Variants in CDH23 observed in about 807,000 individuals in gnomAD.
The protein encoded by CDH23 is cadherin-23.
In CDH23, 189 loss-of-function variants were observed where a neutral mutation model predicts 317.1. That is an observed-to-expected ratio of 0.60 (90% CI 0.53 to 0.67). The LOEUF is 0.67. Ranked by LOEUF, CDH23 falls within the 30% of genes least tolerant of loss-of-function variation. CDH23 has a pLI of 0.00. For missense variants in CDH23, 4,401 were observed against 4,592.4 expected (o/e 0.96, Z 1.20); for synonymous variants, 1,839 against 1,876.8 (o/e 0.98, Z 0.52).
intron 11 of CDH23, among the ~76,000 whole-genome samples, chr10:71,621,595 G>A (rs756346505): frequency 6.6e-6 from 1 of 152,236 alleles, no homozygotes; most frequent in Non-Finnish European, 1.5e-5. Flanking sequence ...GGCTGAGTTT[G>A]TGTAGCAAGG....
At chr10:71,782,668 G>A (rs1309024591) in intron 41 of CDH23, among the ~76,000 whole-genome samples, 1 of 152,248 alleles carries the variant, frequency 6.6e-6, no homozygotes, top group Non-Finnish European at 1.5e-5. Flanking sequence ...AGTGGTGCTG[G>A]TGTCTCCTCC....
At chr10:71,467,179 CA>C (rs5786040) in intron 3 of CDH23, among the ~76,000 whole-genome samples, 77,642 of 151,994 alleles carry the variant, frequency 0.51, 20,788 homozygotes, top group East Asian at 0.76. Flanking sequence ...AAGGACCACC[CA>C]GGACCTGGGC....
chr10:71,792,333 A>G (rs1841273106), intron 47 of CDH23, among the ~76,000 whole-genome samples: 1 of 152,178 alleles, frequency 6.6e-6, no homozygotes, highest in Non-Finnish European at 1.5e-5. Context: ...ACCAAAAGAA[A>G]ATATTAAAAA....
chr10:71,578,710 C>G (rs999713963), intron 9 of CDH23, among the ~76,000 whole-genome samples: 5 of 116,802 alleles, frequency 4.3e-5, no homozygotes, highest in Non-Finnish European at 9.6e-5. Flanking sequence ...CAGACTCTGG[C>G]TCTGCCCACC....
intron 28 of CDH23, chr10:71,716,462 T>A (rs1032672417): frequency 5.4e-6 from 4 of 739,894 alleles, no homozygotes; most frequent in Non-Finnish European, 6.5e-6. Flanking sequence ...CTGGACAGCA[T>A]CATGGCCACA....
chr10:71,697,731 A>G (rs1227071), intron 22 of CDH23, among the ~76,000 whole-genome samples: 101,474 of 151,720 alleles, frequency 0.67, 34,436 homozygotes, highest in Non-Finnish European at 0.75. Flanking sequence ...TCACTCTTCT[A>G]TTCAAACCCC....
chr10:71,575,394 T>C (rs1858117865), intron 8 of CDH23, among the ~76,000 whole-genome samples: 2 of 152,192 alleles, frequency 1.3e-5, no homozygotes, highest in Admixed American at 1.3e-4. Flanking sequence ...GGGATTGTGA[T>C]TTTTACCCAT....
At chr10:71,702,473 T>C (rs1865628298) in intron 23 of CDH23, 76 bp from the exon 24 acceptor site, 13 of 1,577,234 alleles carry the variant, frequency 8.2e-6, no homozygotes, top group Admixed American at 1.7e-5. Flanking sequence ...CTCTCACCAC[T>C]TGCCTTCTTC....
At chr10:71,740,285 T>C (rs1384546275) in intron 36 of CDH23, among the ~76,000 whole-genome samples, 1 of 152,206 alleles carries the variant, frequency 6.6e-6, no homozygotes, top group Non-Finnish European at 1.5e-5. Flanking sequence ...GGACTGCGCT[T>C]CTGCAGAGGG....
At chr10:71,400,808 C>T (rs1847745166) in intron 1 of CDH23, among the ~76,000 whole-genome samples, 1 of 152,112 alleles carries the variant, frequency 6.6e-6, no homozygotes, top group Non-Finnish European at 1.5e-5. Flanking sequence ...CAAAATCAAT[C>T]AATCAATAAA....
chr10:71,638,935 G>A (rs1407213111), intron 11 of CDH23, among the ~76,000 whole-genome samples: 3 of 152,136 alleles, frequency 2.0e-5, no homozygotes, highest in Non-Finnish European at 4.4e-5. Context: ...CCTGGCAGCC[G>A]GCTGATAAGG....
chr10:71,523,693 A>G (rs1564631068), intron 6 of CDH23, among the ~76,000 whole-genome samples: 1 of 152,186 alleles, frequency 6.6e-6, no homozygotes, highest in East Asian at 1.9e-4. Context: ...GAGGGGCAGG[A>G]GGAGGGTAGA....
intron 3 of CDH23, among the ~76,000 whole-genome samples, chr10:71,503,880 G>A (rs1853485463): frequency 6.6e-6 from 1 of 152,136 alleles, no homozygotes; most frequent in Admixed American, 6.5e-5. Flanking sequence ...ATCAGGGCGA[G>A]GGTCCCGAGG....
chr10:71,680,829 C>T (rs200059784), intron 17 of CDH23, among the ~76,000 whole-genome samples: 918 of 69,206 alleles, frequency 0.013, no homozygotes, highest in Middle Eastern at 0.023. Context: ...TTTTCTTTTT[C>T]TTTTTTTTTT....
Position 71,807,966 on chromosome 10 carries a change from T to A in CDH23, c.8681T>A (p.Leu2894His). ...SILAIHYFRA[L>H]ANDSEDVGQV... is the part of the protein sequence containing the mutation. ...CTGGCCATCCACTACTTCCGGGCCC[T>A]TGCCAACGACTCTGAAGATGTGGGC... Residue 2894 changes from leucine to histidine, a missense_variant, in exon 60 of 70, where the codon CTT becomes CAT. Around this residue, in one of 3 missense-constraint regions of CDH23, gnomAD observed 1,144 missense variants for 1,138.2 expected, o/e 1.01. Transcript: ENST00000224721. 6.3e-7 allele frequency: 1 copy of A among 1,599,190 alleles called. No individual in the cohort carries two copies. Among genetic ancestry groups the A allele is most frequent in the Non-Finnish European group, 8.5e-7 (1 of 1,172,576 alleles).
At chr10:71,629,625 CTG>C (rs1390235228) in intron 11 of CDH23, among the ~76,000 whole-genome samples, 1 of 152,234 alleles carries the variant, frequency 6.6e-6, no homozygotes, top group African/African-American at 2.4e-5. Context: ...AATGGAGAAA[CTG>C]AATGTGATGC....
intron 9 of CDH23, among the ~76,000 whole-genome samples, chr10:71,611,280 G>A (rs1389949226): frequency 6.6e-6 from 1 of 152,180 alleles, no homozygotes; most frequent in Non-Finnish European, 1.5e-5. Context: ...TCCTGAATGA[G>A]GGGGGAGCAG....
chr10:71,645,827 C>T lies in CDH23; in HGVS notation c.1141-4C>T, dbSNP rs553029568. 1.2e-5 allele frequency: 20 copies of T among 1,607,898 alleles called. No homozygotes were observed. In the Admixed American group the frequency reaches 2.8e-4, roughly 23 times the overall value. On this transcript the variant is annotated splice_region_variant and splice_polypyrimidine_tract_variant and intron_variant, in intron 12 of 69. Coordinates refer to ENST00000224721, the MANE Select transcript of CDH23 (RefSeq NM_022124.6). ...GACTGGCTTCTTCTGCACTCTTGAC[C>T]CAGGGCCTGAACAGCATGTTTGAGG... is the stretch of plus-strand genomic sequence containing the variant.
Position 71,732,091 on chromosome 10 carries a change from G to A in CDH23, c.3820G>A (p.Glu1274Lys), listed in dbSNP as rs775540526. The A allele has an allele frequency of 6.8e-6, 11 of 1,613,898 alleles. No homozygotes were observed. The highest frequency in any genetic ancestry group is 4.5e-5 in the East Asian group (2 of 44,898). ...LIITVNYLDYETKTSYMMNVS... is the reference protein window; with the variant it reads ...LIITVNYLDYKTKTSYMMNVS... ...CATCACCGTGAATTACCTGGACTAC[G>A]AGACCAAGACCAGCTACATGATGAA... Residue 1274 changes from glutamate (E) to lysine (K), a missense_variant, in exon 32 of 70, where the codon GAG becomes AAG. By Grantham distance (56) the Glu-to-Lys change is moderately conservative. Transcript: ENST00000224721.
Sources: allele counts gnomAD v4.1 joint callset (sites outside exome capture counted in the v4.1 genomes callset), GRCh38; gene constraint gnomAD v4.1.1; regional missense constraint gnomAD v4.1.1; transcripts MANE v1.5; gene names NCBI Gene and HGNC (gene_info 2026-07-23, HGNC 2026-07-21).